The following ASIC2 variants were observed in gnomAD, a reference collection of about 807,000 sequenced individuals.
ASIC2 encodes acid sensing ion channel subunit 2.
ASIC2 carries 25 observed loss-of-function variants against 57.3 expected under a neutral mutation model. The ratio of observed to expected loss-of-function variants is 0.44; its 90% CI spans 0.32 to 0.61. The LOEUF is 0.61. ASIC2 is among the 20% of genes least tolerant of loss of function. The probability of loss-of-function intolerance (pLI) is 0.06; values close to 1 mark genes in which losing one functional copy is unlikely to be tolerated. For synonymous variants in ASIC2, 319 were observed against 307.5 expected (o/e 1.04, Z -0.39); for missense variants, 641 against 738.1 (o/e 0.87, Z 1.52).
intron 1 of ASIC2, among the ~76,000 whole-genome samples, chr17:33,707,530 A>C (rs1908899058): frequency 6.6e-6 from 1 of 152,178 alleles, no homozygotes; most frequent in South Asian, 2.1e-4. Flanking sequence ...AATCTCTAGG[A>C]GAAATTTTAT....
chr17:33,173,313 T>C (rs1905602740), intron 1 of ASIC2, among the ~76,000 whole-genome samples: 3 of 152,048 alleles, frequency 2.0e-5, no homozygotes, highest in African/African-American at 7.2e-5. Context: ...CCTGAATGTG[T>C]ATGGAACAGC....
intron 1 of ASIC2, among the ~76,000 whole-genome samples, chr17:33,477,725 C>T (rs1374312133): frequency 6.6e-6 from 1 of 152,210 alleles, no homozygotes; most frequent in Non-Finnish European, 1.5e-5. Context: ...CAGCCATTCA[C>T]ATGGAGAAGC....
chr17:33,546,903 G>C (rs565761658), intron 1 of ASIC2, among the ~76,000 whole-genome samples: 1 of 152,166 alleles, frequency 6.6e-6, no homozygotes, highest in African/African-American at 2.4e-5. Flanking sequence ...GGAAGTGACA[G>C]GTGCTACCTT....
At chr17:33,962,535 A>G (rs1904957203) in intron 1 of ASIC2, among the ~76,000 whole-genome samples, 1 of 152,126 alleles carries the variant, frequency 6.6e-6, no homozygotes, top group Admixed American at 6.5e-5. Context: ...AACATTTTCC[A>G]TGGTGTGTAG....
intron 1 of ASIC2, among the ~76,000 whole-genome samples, chr17:33,254,394 A>C (rs1497360): frequency 0.93 from 140,853 of 152,158 alleles, 65,205 homozygotes; most frequent in East Asian, 1. Flanking sequence ...TGGATGAAAT[A>C]CTTCAGTTGG....
intron 1 of ASIC2, among the ~76,000 whole-genome samples, chr17:34,129,115 G>A (rs1214506781): frequency 6.6e-6 from 1 of 152,154 alleles, no homozygotes; most frequent in East Asian, 1.9e-4. Flanking sequence ...AAAAGCGTAT[G>A]AATCTAGTTT....
At chr17:33,284,061 GTGTC>G (rs1349500744) in intron 1 of ASIC2, among the ~76,000 whole-genome samples, 2 of 152,178 alleles carry the variant, frequency 1.3e-5, no homozygotes, top group African/African-American at 4.8e-5. Context: ...GAATGTAAAA[GTGTC>G]TGGCAGAAAG....
At chr17:33,590,239 T>G (rs1306317105) in intron 1 of ASIC2, among the ~76,000 whole-genome samples, 3 of 152,212 alleles carry the variant, frequency 2.0e-5, no homozygotes, top group African/African-American at 7.2e-5. Flanking sequence ...CCTACCTCAC[T>G]GAGTTGTTTT....
chr17:33,143,394 A>G (rs989636596), intron 1 of ASIC2, among the ~76,000 whole-genome samples: 5 of 152,234 alleles, frequency 3.3e-5, no homozygotes, highest in African/African-American at 1.2e-4. Flanking sequence ...ATGTAGTTTT[A>G]AAAGTGCAAT....
At chr17:33,315,975 G>T (rs1261360210) in intron 1 of ASIC2, among the ~76,000 whole-genome samples, 1 of 152,138 alleles carries the variant, frequency 6.6e-6, no homozygotes, top group Non-Finnish European at 1.5e-5. Context: ...ACTGATAATA[G>T]TGCCCTCCCC....
At chr17:33,484,116 G>T (rs1230386521) in intron 1 of ASIC2, among the ~76,000 whole-genome samples, 1 of 152,204 alleles carries the variant, frequency 6.6e-6, no homozygotes, top group Non-Finnish European at 1.5e-5. Flanking sequence ...CTTAACTTTA[G>T]CCCAGTTAAT....
intron 1 of ASIC2, among the ~76,000 whole-genome samples, chr17:33,249,340 C>T (rs956356800): frequency 5.9e-5 from 9 of 152,088 alleles, no homozygotes; most frequent in Admixed American, 3.9e-4. Flanking sequence ...GAGAAGAGCC[C>T]AGGGTTTGGG....
intron 1 of ASIC2, among the ~76,000 whole-genome samples, chr17:33,902,368 C>T (rs1452303795): frequency 1.3e-5 from 2 of 152,216 alleles, no homozygotes; most frequent in Non-Finnish European, 2.9e-5. Flanking sequence ...CATAACAGCA[C>T]AAAATCCCAG....
At chr17:33,856,768 C>G (rs918322026) in intron 1 of ASIC2, among the ~76,000 whole-genome samples, 1 of 152,082 alleles carries the variant, frequency 6.6e-6, no homozygotes, top group Admixed American at 6.6e-5. Context: ...TAACAAAGTC[C>G]TAGAGGCCTG....
Position 33,371,331 on chromosome 17 carries a change from C to T in ASIC2, c.556-259264G>A, listed in dbSNP as rs533858618. On this transcript the variant is annotated intron_variant, in intron 1 of 9. Coordinates refer to the ASIC2 transcript ENST00000359872. ...TCCTAGCCCTCACTCAAGATGGAGT[C>T]GCTCTGGTTCAAATGCCTCTGACAC... Among the ~76,000 whole-genome samples the T allele has an allele frequency of 5.3e-5, 8 of 152,292 alleles. No homozygotes were observed. The East Asian group carries it at 9.7e-4, about 18-fold the overall frequency.
chr17:33,171,803 C>A (rs1276592509), intron 1 of ASIC2, among the ~76,000 whole-genome samples: 1 of 152,130 alleles, frequency 6.6e-6, no homozygotes, highest in Non-Finnish European at 1.5e-5. Context: ...GGGCTCTATT[C>A]CCTTGGGCCC....
chr17:33,704,806 T>C (rs1408540688), intron 1 of ASIC2, among the ~76,000 whole-genome samples: 1 of 152,188 alleles, frequency 6.6e-6, no homozygotes, highest in Non-Finnish European at 1.5e-5. Context: ...CCTTTTCAAC[T>C]TGGATGCTCT....
At chr17:34,068,650 G>C (rs1909265854) in intron 1 of ASIC2, among the ~76,000 whole-genome samples, 1 of 152,204 alleles carries the variant, frequency 6.6e-6, no homozygotes, top group Non-Finnish European at 1.5e-5. Context: ...TGAGGCCTCT[G>C]TCTAGACTCT....
intron 1 of ASIC2, among the ~76,000 whole-genome samples, chr17:33,822,759 T>C (rs1196997898): frequency 1.3e-5 from 2 of 152,208 alleles, no homozygotes; most frequent in Non-Finnish European, 2.9e-5. Flanking sequence ...TGGGATGTGG[T>C]TGTGAGTTCT....
Sources: gnomAD v4.1 joint callset for allele counts (sites outside exome capture counted in the v4.1 genomes callset) on GRCh38, gnomAD v4.1.1 for gene constraint, MANE v1.5 for transcripts, NCBI Gene and HGNC (gene_info 2026-07-23, HGNC 2026-07-21) for gene names.